Variants in CACNA1E observed in about 807,000 individuals in gnomAD.
CACNA1E encodes voltage-dependent R-type calcium channel subunit alpha-1E.
In CACNA1E, 40 loss-of-function variants were observed where a neutral mutation model predicts 259.2. The ratio of observed to expected loss-of-function variants is 0.15; its 90% CI spans 0.12 to 0.20. The LOEUF (loss-of-function observed/expected upper bound fraction) is 0.20, where lower values mean the gene tolerates loss of function less well. Among genes scored for constraint, CACNA1E ranks in the 10% least tolerant of loss-of-function variants. The pLI is 1.00. For missense variants in CACNA1E, 1,874 were observed against 3,040.1 expected, an observed-to-expected ratio of 0.62 and a Z score of 9.02; for synonymous variants, 1,104 against 1,138.5, an observed-to-expected ratio of 0.97 and a Z score of 0.61.
At chr1:181,586,650 A>G (rs942054261) in intron 6 of CACNA1E, among the ~76,000 whole-genome samples, 5 of 152,230 alleles carry the variant, frequency 3.3e-5, no homozygotes, top group Non-Finnish European at 5.9e-5. Context: ...TATTCAGTTA[A>G]AAAAGGTTAT....
At chr1:181,323,005 T>C (rs901489091) in intron 1 of CACNA1E, among the ~76,000 whole-genome samples, 38 of 152,156 alleles carry the variant, frequency 2.5e-4, no homozygotes, top group African/African-American at 8.5e-4. Context: ...ATTTCTAACC[T>C]GGGTAAAAAA....
At chr1:181,682,150 C>T (rs1195221609) in intron 7 of CACNA1E, among the ~76,000 whole-genome samples, 2 of 152,180 alleles carry the variant, frequency 1.3e-5, no homozygotes, top group African/African-American at 4.8e-5. Flanking sequence ...AACGATGACC[C>T]CATAGTGGGT....
intron 6 of CACNA1E, among the ~76,000 whole-genome samples, chr1:181,599,271 C>T (rs1653510939): frequency 6.6e-6 from 1 of 152,330 alleles, no homozygotes; most frequent in Non-Finnish European, 1.5e-5. Flanking sequence ...CAGCTCCATC[C>T]ATGTCTCTGC....
At chr1:181,545,941 G>C (rs372089613) in intron 3 of CACNA1E, among the ~76,000 whole-genome samples, 4 of 152,046 alleles carry the variant, frequency 2.6e-5, no homozygotes, top group African/African-American at 9.7e-5. Context: ...GGAGCATCAC[G>C]TGTGCCTCTA....
intron 3 of CACNA1E, among the ~76,000 whole-genome samples, chr1:181,558,207 C>T (rs1028087084): frequency 1.3e-5 from 2 of 152,208 alleles, no homozygotes; most frequent in Non-Finnish European, 2.9e-5. Context: ...GTGCTGCCCT[C>T]ACTGCAAGAG....
At chr1:181,652,249 G>T (rs189925163) in intron 7 of CACNA1E, among the ~76,000 whole-genome samples, 1 of 152,194 alleles carries the variant, frequency 6.6e-6, no homozygotes, top group Non-Finnish European at 1.5e-5. Context: ...TAACATCTTA[G>T]GAGAGCTGAG....
chr1:181,717,153 G>T lies in CACNA1E; in HGVS notation c.1376G>T (p.Arg459Leu), dbSNP rs781394397. ...SAKVDGVSYF[R>L]HKERLLRISI... ...AAGGTAGACGGGGTCTCTTATTTCC[G>T]GCACAAGGAAAGGCTTCTGCGCATC... is the stretch of plus-strand genomic sequence containing the variant. The change falls in exon 11 of 48, where the codon CGG becomes CTG. Residue 459 changes from arginine to leucine, a missense_variant. This residue lies in a region of CACNA1E where 157 missense variants were observed against 203.5 expected (regional missense o/e 0.77). Transcript: ENST00000367573. 2 of 1,613,872 alleles carry T rather than the reference G, an allele frequency of 1.2e-6. No individual in the cohort carries two copies. The highest frequency in any genetic ancestry group is 1.7e-5 in the Admixed American group (1 of 59,996).
At chr1:181,579,799 T>G (rs1169582597) in intron 5 of CACNA1E, among the ~76,000 whole-genome samples, 1 of 152,172 alleles carries the variant, frequency 6.6e-6, no homozygotes, top group African/African-American at 2.4e-5. Flanking sequence ...AGAGTCAGAG[T>G]TGGGTCCCTC....
At chr1:181,460,220 T>C (rs1661713905) in intron 2 of CACNA1E, among the ~76,000 whole-genome samples, 2 of 152,188 alleles carry the variant, frequency 1.3e-5, no homozygotes, top group Non-Finnish European at 2.9e-5. Flanking sequence ...TGATATGGTC[T>C]GTTAGACTTT....
Position 181,794,818 on chromosome 1 carries a change from A to T in CACNA1E, c.6028-46A>T, listed in dbSNP as rs543794908. 24 of 1,539,980 alleles carry T rather than the reference A, an allele frequency of 1.6e-5. No individual in the cohort carries two copies. In the South Asian group the frequency reaches 2.8e-4, roughly 18 times the overall value. ...GCTTCTGTCCTTTTAGATCTTTTCAATCGTTAATCCATACCTTGTGTTTCT... is the reference window on the plus strand; with the variant it reads ...GCTTCTGTCCTTTTAGATCTTTTCATTCGTTAATCCATACCTTGTGTTTCT... On this transcript the variant is annotated intron_variant, in intron 45 of 47. Transcript: ENST00000367573.
intron 1 of CACNA1E, among the ~76,000 whole-genome samples, chr1:181,409,414 G>T (rs141601509): frequency 6.6e-6 from 1 of 152,258 alleles, no homozygotes; most frequent in Non-Finnish European, 1.5e-5. Context: ...ACCATAGAGG[G>T]CCAGGAAGTA....
rs1336519740 is a variant in CACNA1E, at chr1:181,641,696, ATTTTTTGTT to A, written c.952-9635_952-9627del. On this transcript the variant is annotated intron_variant, in intron 6 of 47. Coordinates refer to ENST00000367573, the MANE Select transcript of CACNA1E (RefSeq NM_001205293.3). The stretch of plus-strand genomic sequence containing the variant: ...CAAATGAGATCATGAGGCAACACTA[ATTTTTTGTT>A]TTTTTTTTTTTTTTTTTTTTTTTTT... 3.7e-3 allele frequency among the ~76,000 whole-genome samples: 380 copies of A among 104,064 alleles called. 8 individuals are homozygous for A. Among genetic ancestry groups the A allele is most frequent in the African/African-American group, 0.015 (370 of 24,732 alleles). 68.3% of individuals were successfully genotyped at this position (104,064 alleles called of 152,430 possible).
At position 181,736,310 on chromosome 1, in the gene CACNA1E, A is replaced by G. The variant is rs1349662877; in HGVS notation, c.3298A>G (p.Lys1100Glu). 1.2e-6 allele frequency: 2 copies of G among 1,601,794 alleles called. No homozygotes were observed. The highest frequency in any genetic ancestry group is 3.4e-5 in the Admixed American group (2 of 58,252). The change falls in exon 22 of 48, where the codon AAG (lysine) becomes GAG (glutamate). Residue 1100 changes from lysine to glutamate, a missense_variant. By Grantham distance (56) the Lys-to-Glu change is moderately conservative (BLOSUM62 1). Transcript: ENST00000367573. The part of the protein sequence containing the change: ...NKTDGEASPL[K>E]EAEIREDEEE... ...GACGGATGGGGAAGCCAGTCCCTTG[A>G]AGGAGGCAGAGATCAGAGAGGATGA...
intron 7 of CACNA1E, among the ~76,000 whole-genome samples, chr1:181,703,546 T>G (rs7513540): frequency 0.62 from 94,259 of 152,008 alleles, 30,602 homozygotes; most frequent in East Asian, 0.79. Context: ...CTTACATTAA[T>G]TGTCATGCTT....
intron 7 of CACNA1E, among the ~76,000 whole-genome samples, chr1:181,671,291 G>T (rs897842259): frequency 6.6e-6 from 1 of 152,176 alleles, no homozygotes; most frequent in African/African-American, 2.4e-5. Context: ...CTCCCAAAGT[G>T]CTGGGATTAC....
intron 1 of CACNA1E, among the ~76,000 whole-genome samples, chr1:181,403,149 T>A (rs1657223817): frequency 6.6e-6 from 1 of 152,114 alleles, no homozygotes. Flanking sequence ...GGGAAAATTA[T>A]TTAATCCTTT....
chr1:181,327,122 C>T (rs1355634051), intron 1 of CACNA1E, among the ~76,000 whole-genome samples: 1 of 152,228 alleles, frequency 6.6e-6, no homozygotes, highest in Non-Finnish European at 1.5e-5. Context: ...TGTCTTTTAT[C>T]TATGTGTCTC....
intron 1 of CACNA1E, among the ~76,000 whole-genome samples, chr1:181,375,685 A>T (rs1470203762): frequency 2.0e-5 from 3 of 152,214 alleles, no homozygotes; most frequent in Non-Finnish European, 4.4e-5. Context: ...GTCAGGCATC[A>T]TGCTGTGGAT....
intron 2 of CACNA1E, among the ~76,000 whole-genome samples, chr1:181,419,216 C>T (rs1324960876): frequency 2.0e-5 from 3 of 152,140 alleles, no homozygotes; most frequent in Non-Finnish European, 4.4e-5. Context: ...CTCCCTCTTC[C>T]CCCTGCCCAG....
Sources: allele counts gnomAD v4.1 joint callset (sites outside exome capture counted in the v4.1 genomes callset), GRCh38; gene constraint gnomAD v4.1.1; regional missense constraint gnomAD v4.1.1; transcripts MANE v1.5; gene names NCBI Gene and HGNC (gene_info 2026-07-23, HGNC 2026-07-21).